PKHD1: variants seen among roughly 807,000 people sequenced by gnomAD.
PKHD1 encodes the protein PKHD1 ciliary IPT domain containing fibrocystin/polyductin.
In PKHD1, 291 loss-of-function variants were observed where a neutral mutation model predicts 412.0. The ratio of observed to expected loss-of-function variants is 0.71; its 90% CI spans 0.64 to 0.78. PKHD1 has a LOEUF of 0.78. Among genes scored for constraint, PKHD1 ranks in the 30% least tolerant of loss-of-function variants. The probability of loss-of-function intolerance (pLI) is 0.00; values close to 1 mark genes in which losing one functional copy is unlikely to be tolerated. For missense variants in PKHD1, 4,825 were observed against 4,950.7 expected, an observed-to-expected ratio of 0.97 and a Z score of 0.76; for synonymous variants, 1,777 against 1,821.5, an observed-to-expected ratio of 0.98 and a Z score of 0.62.
intron 36 of PKHD1, among the ~76,000 whole-genome samples, chr6:51,937,697 C>G (rs761261853): frequency 6.6e-6 from 1 of 152,194 alleles, no homozygotes; most frequent in Non-Finnish European, 1.5e-5. Flanking sequence ...TGACACACCC[C>G]GCATAGGTAT....
Position 51,648,137 on chromosome 6 carries a change from G to T in PKHD1, c.11311-19C>A. ...TTCGATTCTAGAAATGGGAATAGGAGGAGGGAGGAAGAAAAAGTTGGATTC... is the reference window on the plus strand; with the variant it reads ...TTCGATTCTAGAAATGGGAATAGGATGAGGGAGGAAGAAAAAGTTGGATTC... On this transcript the variant is annotated intron_variant, in intron 62 of 66. Coordinates refer to ENST00000371117, the MANE Select transcript of PKHD1 (RefSeq NM_138694.4). 7.2e-7 allele frequency: 1 copy of T among 1,389,224 alleles called. No individual in the cohort carries two copies. Among genetic ancestry groups the T allele is most frequent in the Non-Finnish European group, 1.0e-6 (1 of 974,874 alleles). The allele number at this position is 1,389,224 out of a possible 1,614,324, so 86.1% of individuals were successfully genotyped here.
chr6:52,044,507 G>A (rs962210145), intron 25 of PKHD1, among the ~76,000 whole-genome samples: 3 of 152,082 alleles, frequency 2.0e-5, no homozygotes, highest in African/African-American at 4.8e-5. Flanking sequence ...TCAATTTTCA[G>A]TTTGGGTCCC....
Position 51,911,868 on chromosome 6 carries a change from T to C in PKHD1, c.6421A>G (p.Ile2141Val), listed in dbSNP as rs1782995002. ...CTCTCATTAGTGAGATTTCCTTGTATGGTAATACTCCTGCTGAGCAGAGCC... is the reference window on the plus strand; with the variant it reads ...CTCTCATTAGTGAGATTTCCTTGTACGGTAATACTCCTGCTGAGCAGAGCC... ...TVALLSRSIT[I>V]QGNLTNEREK... The change falls in exon 39 of 67, where the codon ATA becomes GTA. Residue 2141 changes from isoleucine (I) to valine (V), a missense_variant. Coordinates refer to ENST00000371117, the MANE Select transcript of PKHD1 (RefSeq NM_138694.4). 1 of 1,612,334 alleles carries C rather than the reference T, an allele frequency of 6.2e-7. No homozygotes were observed. Among genetic ancestry groups the C allele is most frequent in the Admixed American group, 1.7e-5 (1 of 59,926 alleles).
intron 60 of PKHD1, among the ~76,000 whole-genome samples, chr6:51,725,335 G>A (rs1016211678): frequency 6.6e-6 from 1 of 152,162 alleles, no homozygotes; most frequent in African/African-American, 2.4e-5. Context: ...GTTGCTGTTG[G>A]TATTTTCATG....
chr6:52,078,745 A>T (rs916783148), intron 5 of PKHD1, among the ~76,000 whole-genome samples: 2 of 152,192 alleles, frequency 1.3e-5, no homozygotes, highest in South Asian at 4.2e-4. Context: ...ATCTGGGGTG[A>T]AAAGGATCAT....
chr6:51,723,521 G>T (rs1464319903), intron 60 of PKHD1, among the ~76,000 whole-genome samples: 1 of 152,112 alleles, frequency 6.6e-6, no homozygotes, highest in African/African-American at 2.4e-5. Context: ...ACAATTCATG[G>T]TAAGTAAAGT....
intron 35 of PKHD1, among the ~76,000 whole-genome samples, chr6:51,987,026 T>A (rs1796302965): frequency 6.6e-6 from 1 of 152,146 alleles, no homozygotes; most frequent in Non-Finnish European, 1.5e-5. Context: ...TACAGACGTG[T>A]AGAAATGCTA....
rs182266648 is a variant in PKHD1 at position 51,992,526 on chromosome 6, C to T, written c.5751+17783G>A. ...GGTGCAGTATGAAGATGAGTTTAAA[C>T]GCTGGCATGGCTCTCCCAATTTCCA... On this transcript the variant is annotated intron_variant, in intron 35 of 66. Transcript: ENST00000371117. Among the ~76,000 whole-genome samples, 87 of 152,298 alleles carry T rather than the reference C, an allele frequency of 5.7e-4. 1 individual carries two copies. The East Asian group carries it at 0.012, about 21-fold the overall frequency.
rs571654462 is a variant in PKHD1 at position 51,756,686 on chromosome 6, A to C, written c.8643-1748T>G. On this transcript the variant is annotated intron_variant, in intron 55 of 66. Coordinates refer to ENST00000371117, the MANE Select transcript of PKHD1 (RefSeq NM_138694.4). Reference sequence around the variant, plus strand: ...AGAAAATAGGAAAGATGCATGTTAAAATGTTAGCCTACCTATGGATGGTGG... The same window carrying C: ...AGAAAATAGGAAAGATGCATGTTAACATGTTAGCCTACCTATGGATGGTGG... Among the ~76,000 whole-genome samples the C allele has an allele frequency of 3.3e-5, 5 of 152,300 alleles. No homozygotes were observed. The South Asian group carries it at 1.0e-3, about 32-fold the overall frequency.
intron 43 of PKHD1, among the ~76,000 whole-genome samples, chr6:51,893,545 C>T (rs1409921417): frequency 6.6e-6 from 1 of 152,152 alleles, no homozygotes; most frequent in Non-Finnish European, 1.5e-5. Flanking sequence ...ATTGTGTATG[C>T]TACAAATGAT....
intron 53 of PKHD1, among the ~76,000 whole-genome samples, chr6:51,786,671 TCCCTCTAGGTTGGAAGACATG>T: frequency 6.6e-6 from 1 of 152,144 alleles, no homozygotes; most frequent in Non-Finnish European, 1.5e-5. Flanking sequence ...ATCTTTAAGC[TCCCTCTAGGTTGGAAGACATG>T]ATCCTTCCAA....
chr6:51,632,780 T>A (rs1045482832), intron 64 of PKHD1, 57 bp from the exon 65 acceptor site: 3 of 1,347,918 alleles, frequency 2.2e-6, no homozygotes, highest in Non-Finnish European at 3.2e-6. Flanking sequence ...CTAATATAAT[T>A]AAAATATGGT....
At chr6:51,792,249 C>T (rs1793875841) in intron 52 of PKHD1, among the ~76,000 whole-genome samples, 1 of 152,144 alleles carries the variant, frequency 6.6e-6, no homozygotes, top group Non-Finnish European at 1.5e-5. Context: ...TTAAGTGTTA[C>T]TTTCTGAAAT....
intron 53 of PKHD1, among the ~76,000 whole-genome samples, chr6:51,782,792 A>G (rs1465674006): frequency 6.6e-6 from 1 of 152,074 alleles, no homozygotes; most frequent in Admixed American, 6.6e-5. Flanking sequence ...TGGCTGCTCA[A>G]TGGGTCTGAC....
At chr6:52,079,109 G>A (rs1162977444) in intron 5 of PKHD1, among the ~76,000 whole-genome samples, 1 of 152,166 alleles carries the variant, frequency 6.6e-6, no homozygotes, top group Non-Finnish European at 1.5e-5. Context: ...CAACCACATC[G>A]ACAGGAGTAC....
intron 60 of PKHD1, among the ~76,000 whole-genome samples, chr6:51,741,604 G>T (rs1032611024): frequency 6.6e-6 from 1 of 152,116 alleles, no homozygotes; most frequent in East Asian, 1.9e-4. Context: ...GGATAATTTG[G>T]GGTGCTGTTC....
chr6:51,848,280 C>T (rs978293004), intron 49 of PKHD1, among the ~76,000 whole-genome samples: 14 of 152,164 alleles, frequency 9.2e-5, no homozygotes, highest in South Asian at 4.1e-4. Flanking sequence ...TGAATTGACA[C>T]GTCTCAGGTC....
At chr6:52,073,848 G>C (rs1268301556) in intron 6 of PKHD1, among the ~76,000 whole-genome samples, 2 of 152,114 alleles carry the variant, frequency 1.3e-5, no homozygotes, top group African/African-American at 4.8e-5. Context: ...TTTCAGAAAG[G>C]AGGGGCTCAT....
intron 35 of PKHD1, among the ~76,000 whole-genome samples, chr6:51,985,308 T>C (rs989930707): frequency 6.6e-6 from 1 of 152,266 alleles, no homozygotes; most frequent in African/African-American, 2.4e-5. Flanking sequence ...CACATGTTTA[T>C]TGATTCTTTA....
Sources: allele counts gnomAD v4.1 joint callset (sites outside exome capture counted in the v4.1 genomes callset), GRCh38; gene constraint gnomAD v4.1.1; transcripts MANE v1.5; gene names NCBI Gene and HGNC (gene_info 2026-07-23, HGNC 2026-07-21).